Variants in SLC44A3 observed in about 807,000 individuals in gnomAD.
The protein encoded by SLC44A3 is solute carrier family 44 member 3.
Under a neutral mutation model 75.4 loss-of-function variants are expected in SLC44A3, and 74 were observed. That is an observed-to-expected ratio of 0.98 (90% CI 0.81 to 1.19). SLC44A3 has a LOEUF of 1.19. Ranked by LOEUF, SLC44A3 falls within the 50% of genes most tolerant of loss-of-function variation. SLC44A3 has a pLI of 0.00. For synonymous variants in SLC44A3, 310 were observed against 296.9 expected, an observed-to-expected ratio of 1.04 and a Z score of -0.45; for missense variants, 700 against 778.6, an observed-to-expected ratio of 0.90 and a Z score of 1.20.
chr1:94,837,840 T>C lies in SLC44A3; in HGVS notation c.639T>C (p.Asp213=), dbSNP rs146533058. ...RILSGIMSGR[D]TILGLCILAL... ...TAAGTGGAATCATGTCGGGAAGAGA[T>C]ACAATCCTTGGCCTGTGTATCCTCG... Residue 213 remains aspartate (D), a synonymous_variant, in exon 6 of 15, where the codon GAT becomes GAC. Transcript: ENST00000271227. 46 of 1,609,862 alleles carry C rather than the reference T, an allele frequency of 2.9e-5. No homozygotes were observed. Among genetic ancestry groups the C allele is most frequent in the African/African-American group, 4.0e-5 (3 of 74,740 alleles).
intron 10 of SLC44A3, among the ~76,000 whole-genome samples, chr1:94,858,421 C>A (rs1011063455): frequency 2.6e-5 from 4 of 152,106 alleles, no homozygotes; most frequent in Admixed American, 2.0e-4. Context: ...ACACACACAC[C>A]CCTGAACGCT....
chr1:94,884,315 A>G (rs905831568), intron 12 of SLC44A3, among the ~76,000 whole-genome samples: 1 of 152,210 alleles, frequency 6.6e-6, no homozygotes, highest in African/African-American at 2.4e-5. Flanking sequence ...TGGAAGGCCC[A>G]GAGGCTGTGC....
At chr1:94,833,320 T>A (rs1009440568) in intron 5 of SLC44A3, among the ~76,000 whole-genome samples, 1 of 152,212 alleles carries the variant, frequency 6.6e-6, no homozygotes, top group African/African-American at 2.4e-5. Flanking sequence ...CGGGGCTCTT[T>A]CAGCTGCAGT....
intron 5 of SLC44A3, among the ~76,000 whole-genome samples, chr1:94,830,730 A>G (rs1254899410): frequency 2.0e-5 from 3 of 152,184 alleles, no homozygotes; most frequent in Non-Finnish European, 4.4e-5. Context: ...AGATGTAACT[A>G]CGGATGGAAT....
intron 12 of SLC44A3, among the ~76,000 whole-genome samples, chr1:94,868,548 G>T (rs1461657445): frequency 6.6e-6 from 1 of 152,080 alleles, no homozygotes; most frequent in Non-Finnish European, 1.5e-5. Flanking sequence ...AGAATGGGGG[G>T]GAACATATAA....
intron 6 of SLC44A3, 91 bp from the exon 7 acceptor site, chr1:94,839,857 T>C (rs535427137): frequency 2.3e-6 from 2 of 868,730 alleles, no homozygotes; most frequent in East Asian, 4.8e-5. Flanking sequence ...CAGCCGTCAC[T>C]GTTCTGGAGG....
intron 12 of SLC44A3, among the ~76,000 whole-genome samples, chr1:94,878,805 G>T: frequency 6.6e-6 from 1 of 152,136 alleles, no homozygotes; most frequent in South Asian, 2.1e-4. Flanking sequence ...AATGATTTTT[G>T]GCAAAGATAC....
intron 5 of SLC44A3, 38 bp downstream of exon 5, chr1:94,828,624 A>T: frequency 6.4e-7 from 1 of 1,564,980 alleles, no homozygotes; most frequent in East Asian, 2.2e-5. Context: ...CTCTAAACAA[A>T]AGTTACTGGG....
intron 5 of SLC44A3, among the ~76,000 whole-genome samples, chr1:94,833,435 C>T (rs1162362150): frequency 6.6e-6 from 1 of 152,204 alleles, no homozygotes; most frequent in Non-Finnish European, 1.5e-5. Context: ...CCACCTCCAG[C>T]TCCTTCTGCC....
chr1:94,891,408 C>A, intron 13 of SLC44A3, 141 bp downstream of exon 13: 1 of 891,116 alleles, frequency 1.1e-6, no homozygotes, highest in Non-Finnish European at 1.7e-6. Context: ...AATCCTCAAT[C>A]CCATGAGGTA....
Position 94,894,820 on chromosome 1 carries a change from T to C in SLC44A3, c.1860T>C (p.Ser620=). 6.2e-7 allele frequency: 1 copy of C among 1,608,686 alleles called. No homozygotes were observed. The highest frequency in any genetic ancestry group is 1.1e-5 in the South Asian group (1 of 90,086). The change falls in exon 15 of 15, where the codon AGT becomes AGC. Residue 620 remains serine, a splice_region_variant and synonymous_variant. Coordinates refer to ENST00000271227, the MANE Select transcript of SLC44A3 (RefSeq NM_001114106.3). The part of the protein sequence containing the change: ...KPYFMDQEFL[S]FVKRSNKLNN... ...TAACTTGTTCTTTTGTTTTTCAGAG[T>C]TTCGTAAAAAGGAGCAACAAATTAA...
At chr1:94,863,659 A>G (rs55956893) in intron 10 of SLC44A3, among the ~76,000 whole-genome samples, 14 of 152,302 alleles carry the variant, frequency 9.2e-5, no homozygotes, top group Non-Finnish European at 1.5e-4. Flanking sequence ...GGTTTTTCCT[A>G]CTTTAAATAA....
chr1:94,873,738 C>A (rs1177107307), intron 12 of SLC44A3, among the ~76,000 whole-genome samples: 2 of 152,170 alleles, frequency 1.3e-5, no homozygotes, highest in African/African-American at 4.8e-5. Context: ...TTGGTTCATC[C>A]CAAGCCAGTT....
intron 5 of SLC44A3, 103 bp from the exon 6 acceptor site, chr1:94,837,608 T>A: frequency 3.3e-6 from 4 of 1,195,674 alleles, no homozygotes; most frequent in Non-Finnish European, 4.5e-6. Flanking sequence ...TCTCTATTAC[T>A]GTAGTTCTTA....
Position 94,864,873 on chromosome 1 carries a change from TA to T in SLC44A3, c.1370del (p.Tyr457SerfsTer6). The T allele has an allele frequency of 6.2e-7, 1 of 1,614,002 alleles. No homozygotes were observed. Among genetic ancestry groups the T allele is most frequent in the East Asian group, 2.2e-5 (1 of 44,876 alleles). On this transcript the variant is annotated frameshift_variant, in exon 11 of 15. Coordinates refer to ENST00000271227, the MANE Select transcript of SLC44A3 (RefSeq NM_001114106.3). LOFTEE classifies it high-confidence loss of function. Reference protein sequence around the residue: ...VVRIPRIIVMYMQNALKEQQH... With the variant: ...VVRIPRIIVMXMQNALKEQQH... ...GAGGATTCCGAGAATCATTGTCATG[TA>T]CATGCAAAACGCACTGAAAGAACAG... is the stretch of plus-strand genomic sequence containing the variant.
chr1:94,828,389 CCTTGTAGTTGATT>C (rs2100951749), intron 4 of SLC44A3, 91 bp from the exon 5 acceptor site: 3 of 882,122 alleles, frequency 3.4e-6, no homozygotes, highest in Non-Finnish European at 5.4e-6. Flanking sequence ...CACCCATAGA[CCTTGTAGTTGATT>C]CTTTCTCCTT....
In SLC44A3 at chr1:94,821,065, G is replaced by A. The variant is rs925638852; in HGVS notation, c.135+9G>A. 6.5e-7 allele frequency: 1 copy of A among 1,548,842 alleles called. No homozygotes were observed. The highest frequency in any genetic ancestry group is 8.7e-7 in the Non-Finnish European group (1 of 1,144,902). On this transcript the variant is annotated intron_variant, in intron 2 of 14. Coordinates refer to ENST00000271227, the MANE Select transcript of SLC44A3 (RefSeq NM_001114106.3). ...TCTTTTGGACTGGTTTGGTAAGTGT[G>A]GGTGCTTGGTAGGAAAGAGGCCAGA...
intron 5 of SLC44A3, among the ~76,000 whole-genome samples, chr1:94,831,621 A>G (rs1662142734): frequency 6.6e-6 from 1 of 152,232 alleles, no homozygotes; most frequent in African/African-American, 2.4e-5. Flanking sequence ...GGTGTTCAAC[A>G]TGGTAATGTA....
intron 14 of SLC44A3, among the ~76,000 whole-genome samples, 153 bp from the exon 15 acceptor site, chr1:94,894,665 T>A (rs996932953): frequency 1.3e-5 from 2 of 152,266 alleles, no homozygotes; most frequent in African/African-American, 2.4e-5. Flanking sequence ...TCCCCTGTGC[T>A]ACTTTATATG....
Sources: gnomAD v4.1 joint callset for allele counts (sites outside exome capture counted in the v4.1 genomes callset) on GRCh38, gnomAD v4.1.1 for gene constraint, MANE v1.5 for transcripts, NCBI Gene and HGNC (gene_info 2026-07-23, HGNC 2026-07-21) for gene names.